The following AOPEP variants were observed in gnomAD, a reference collection of about 807,000 sequenced individuals.
AOPEP encodes aminopeptidase O.
AOPEP carries 77 observed loss-of-function variants against 98.1 expected under a neutral mutation model. That is an observed-to-expected ratio of 0.78 (90% confidence interval 0.65 to 0.95). AOPEP has a LOEUF of 0.95. Among genes scored for constraint, AOPEP ranks in the 40% least tolerant of loss-of-function variants. The pLI is 0.00. For missense variants in AOPEP, 1,024 were observed against 1,024.7 expected (o/e 1.00, Z 0.01); for synonymous variants, 346 against 365.3 (o/e 0.95, Z 0.60).
At chr9:94,851,625 C>T (rs1254844579) in intron 5 of AOPEP, among the ~76,000 whole-genome samples, 1 of 151,578 alleles carries the variant, frequency 6.6e-6, no homozygotes, top group African/African-American at 2.4e-5. Context: ...GCACTTACTT[C>T]ACTGTGATCT....
At chr9:95,027,860 T>C (rs1182848304) in intron 13 of AOPEP, among the ~76,000 whole-genome samples, 1 of 152,236 alleles carries the variant, frequency 6.6e-6, no homozygotes, top group Non-Finnish European at 1.5e-5. Flanking sequence ...ATTTTTAATT[T>C]TGGCAGTGAG....
intron 16 of AOPEP, chr9:95,086,441 C>A: frequency 5.1e-6 from 5 of 985,422 alleles, no homozygotes; most frequent in Non-Finnish European, 6.0e-6. Flanking sequence ...GTACTCCTAG[C>A]AGCTATTGTG....
In AOPEP at chr9:95,085,678, C is replaced by A. The variant is rs571193338; in HGVS notation, c.*5-1004C>A. 14 of 356,982 alleles carry A rather than the reference C, an allele frequency of 3.9e-5. No homozygotes were observed. In the Admixed American group the frequency reaches 4.7e-4, roughly 12 times the overall value. 22.1% of individuals were successfully genotyped at this position (356,982 alleles called of 1,614,324 possible). ...ACTTGACCCCAAGGATGCACTGTCTCCTGCTGGGAATGCTAGCCATGTACT... is the reference window on the plus strand; with the variant it reads ...ACTTGACCCCAAGGATGCACTGTCTACTGCTGGGAATGCTAGCCATGTACT... On this transcript the variant is annotated intron_variant, in intron 16 of 16. Transcript: ENST00000375315.
intron 13 of AOPEP, among the ~76,000 whole-genome samples, chr9:95,041,850 C>A (rs2065345688): frequency 6.6e-6 from 1 of 152,134 alleles, no homozygotes; most frequent in Non-Finnish European, 1.5e-5. Context: ...GACCTCCTAT[C>A]TAGCCGCCTT....
intron 5 of AOPEP, among the ~76,000 whole-genome samples, chr9:94,858,250 G>T (rs758867562): frequency 6.6e-6 from 1 of 152,186 alleles, no homozygotes; most frequent in South Asian, 2.1e-4. Flanking sequence ...AATATCTGGC[G>T]CTGTACAGAT....
intron 13 of AOPEP, among the ~76,000 whole-genome samples, chr9:95,006,582 C>T (rs527272404): frequency 6.6e-6 from 1 of 152,260 alleles, no homozygotes; most frequent in East Asian, 1.9e-4. Context: ...TCTGAGAGAG[C>T]TGGAAAAGGA....
rs1218889160 is a variant in AOPEP at position 94,820,831 on chromosome 9, A to G, written c.1364+19829A>G. Among the ~76,000 whole-genome samples the G allele has an allele frequency of 2.0e-5, 3 of 152,246 alleles. No homozygotes were observed. The East Asian group carries it at 5.8e-4, about 29-fold the overall frequency. ...CTCACTGATATTTAGAGAAACCTAC[A>G]TGCCATAGCAGGGATGGAGATAAGA... On this transcript the variant is annotated intron_variant, in intron 5 of 16. Transcript: ENST00000375315.
At chr9:94,743,827 A>T (rs1431613357) in intron 1 of AOPEP, among the ~76,000 whole-genome samples, 1 of 152,200 alleles carries the variant, frequency 6.6e-6, no homozygotes, top group Non-Finnish European at 1.5e-5. Flanking sequence ...TGCAAATCTC[A>T]GTTGACTCAA....
chr9:94,869,971 ATTTTTTTTTTTTTTTTT>A (rs10556167), intron 5 of AOPEP, among the ~76,000 whole-genome samples: 2 of 93,554 alleles, frequency 2.1e-5, no homozygotes, highest in African/African-American at 4.4e-5. Context: ...GAAGCCATGA[ATTTTTTTTTTTTTTTTT>A]TTTTTTTTTT....
chr9:94,734,505 A>G (rs1472714246), intron 1 of AOPEP, among the ~76,000 whole-genome samples: 3 of 152,092 alleles, frequency 2.0e-5, no homozygotes, highest in African/African-American at 7.2e-5. Context: ...ACTTAACAGC[A>G]AGAGTCCTAC....
chr9:94,995,300 A>T (rs2061152863), intron 11 of AOPEP, among the ~76,000 whole-genome samples: 1 of 152,126 alleles, frequency 6.6e-6, no homozygotes, highest in Non-Finnish European at 1.5e-5. Context: ...TTCTGAGGGG[A>T]AAGAGGAAGG....
At chr9:95,020,039 C>T (rs1416997412) in intron 13 of AOPEP, 2 of 152,226 alleles carry the variant, frequency 1.3e-5, no homozygotes, top group Admixed American at 1.3e-4. Flanking sequence ...GTTGTGAGAG[C>T]TGGGAAAGAC....
chr9:94,922,085 G>GA (rs1244752239), intron 5 of AOPEP, among the ~76,000 whole-genome samples: 1 of 152,008 alleles, frequency 6.6e-6, no homozygotes, highest in East Asian at 1.9e-4. Context: ...TGCTCAAGGG[G>GA]AAAAAATGAA....
the AOPEP span, among the ~76,000 whole-genome samples, chr9:95,114,863 T>C: frequency 6.6e-6 from 1 of 152,224 alleles, no homozygotes; most frequent in Non-Finnish European, 1.5e-5. Flanking sequence ...TCCCAGCCAG[T>C]ACCTATCTCT....
intron 5 of AOPEP, among the ~76,000 whole-genome samples, chr9:94,879,249 T>C (rs2047308719): frequency 6.6e-6 from 1 of 152,242 alleles, no homozygotes; most frequent in Non-Finnish European, 1.5e-5. Context: ...GAAGGAGGTT[T>C]GTTTTGGGAA....
At chr9:95,064,629 C>CG (rs1260035694) in intron 14 of AOPEP, among the ~76,000 whole-genome samples, 25 of 152,122 alleles carry the variant, frequency 1.6e-4, no homozygotes, top group Non-Finnish European at 3.1e-4. Flanking sequence ...AGCCATTGGT[C>CG]AGGGGGCGGG....
intron 9 of AOPEP, among the ~76,000 whole-genome samples, chr9:94,959,474 T>C (rs559342097): frequency 7.2e-5 from 11 of 152,326 alleles, no homozygotes; most frequent in South Asian, 4.2e-4. Flanking sequence ...CAAAAATTAG[T>C]TGATCATTAA....
chr9:94,909,585 AG>A (rs2051703368), intron 5 of AOPEP, among the ~76,000 whole-genome samples: 1 of 152,186 alleles, frequency 6.6e-6, no homozygotes, highest in African/African-American at 2.4e-5. Context: ...GCAGAAGTAA[AG>A]GCCAAGTATT....
intron 5 of AOPEP, among the ~76,000 whole-genome samples, chr9:94,815,397 CAG>C (rs1215600460): frequency 6.6e-6 from 1 of 152,186 alleles, no homozygotes; most frequent in Non-Finnish European, 1.5e-5. Flanking sequence ...CCATTTAGGA[CAG>C]AGTAACTTGC....
Sources: allele counts gnomAD v4.1 joint callset (sites outside exome capture counted in the v4.1 genomes callset), GRCh38; gene constraint gnomAD v4.1.1; transcripts MANE v1.5; gene names NCBI Gene and HGNC (gene_info 2026-07-23, HGNC 2026-07-21).